The following SNTG1 variants were observed in gnomAD, a reference collection of about 807,000 sequenced individuals.
The protein encoded by SNTG1 is syntrophin gamma 1.
A neutral mutation model predicts 74.7 loss-of-function variants in SNTG1; 39 were observed. The ratio of observed to expected loss-of-function variants is 0.52; its 90% CI spans 0.40 to 0.68. The LOEUF (loss-of-function observed/expected upper bound fraction) is 0.68, where lower values mean the gene tolerates loss of function less well. Among genes scored for constraint, SNTG1 ranks in the 30% least tolerant of loss-of-function variants. The pLI is 0.00. For missense variants in SNTG1, 685 were observed against 609.5 expected (o/e 1.12, Z -1.30); for synonymous variants, 254 against 217.1 (o/e 1.17, Z -1.49).
At chr8:50,525,942 A>G (rs2094216234) in intron 9 of SNTG1, among the ~76,000 whole-genome samples, 1 of 151,940 alleles carries the variant, frequency 6.6e-6, no homozygotes, top group South Asian at 2.1e-4. Context: ...TGAAAAAATC[A>G]GCCATGTCTC....
At chr8:50,307,882 C>T (rs1220484807) in intron 2 of SNTG1, among the ~76,000 whole-genome samples, 1 of 152,078 alleles carries the variant, frequency 6.6e-6, no homozygotes, top group Non-Finnish European at 1.5e-5. Flanking sequence ...AGAGATCTTT[C>T]TGTTGCCCTG....
At chr8:50,111,490 A>T (rs1002232698) in intron 1 of SNTG1, among the ~76,000 whole-genome samples, 1 of 152,140 alleles carries the variant, frequency 6.6e-6, no homozygotes, top group East Asian at 1.9e-4. Flanking sequence ...TCACAGTGAG[A>T]AGGGAGGAAG....
chr8:50,047,311 C>T lies in SNTG1; in HGVS notation c.-102-125250C>T, dbSNP rs146542413. 2.2e-4 allele frequency among the ~76,000 whole-genome samples: 33 copies of T among 152,000 alleles called. No individual in the cohort carries two copies. The East Asian group carries it at 6.4e-3, about 30-fold the overall frequency. On this transcript the variant is annotated intron_variant, in intron 1 of 18. Coordinates refer to ENST00000642720, the MANE Select transcript of SNTG1 (RefSeq NM_018967.5). ...CCATGATGGTGCCACCATGCTCTAGCCTTGGTGACACAGAGATGCTGCCAA... is the reference window on the plus strand; with the variant it reads ...CCATGATGGTGCCACCATGCTCTAGTCTTGGTGACACAGAGATGCTGCCAA...
In SNTG1 at chr8:50,041,394, A is replaced by G. The variant is rs140466755; in HGVS notation, c.-103+129163A>G. 3.3e-5 allele frequency among the ~76,000 whole-genome samples: 5 copies of G among 152,316 alleles called. No homozygotes were observed. The East Asian group carries it at 9.7e-4, about 29-fold the overall frequency. ...AAAACATATTTAATAAATTAACTAA[A>G]ATAACACTAATAAAGACTCTAAACA... On this transcript the variant is annotated intron_variant, in intron 1 of 18. Transcript: ENST00000642720.
At chr8:50,511,577 T>A (rs1346785260) in intron 9 of SNTG1, among the ~76,000 whole-genome samples, 2 of 152,178 alleles carry the variant, frequency 1.3e-5, no homozygotes, top group African/African-American at 4.8e-5. Flanking sequence ...TCTAAGGACT[T>A]GCTTTATGAA....
intron 15 of SNTG1, among the ~76,000 whole-genome samples, chr8:50,693,524 C>T (rs1315497015): frequency 1.3e-5 from 2 of 152,084 alleles, no homozygotes; most frequent in Non-Finnish European, 2.9e-5. Context: ...TGCAATATAA[C>T]AATTATAGAG....
chr8:50,310,801 A>G (rs950255649), intron 2 of SNTG1, among the ~76,000 whole-genome samples: 5 of 152,356 alleles, frequency 3.3e-5, no homozygotes, highest in Admixed American at 2.6e-4. Flanking sequence ...TGGTTAAACA[A>G]TTAGTATTGT....
chr8:50,688,139 G>A (rs2095361028), intron 15 of SNTG1, among the ~76,000 whole-genome samples: 1 of 152,028 alleles, frequency 6.6e-6, no homozygotes. Flanking sequence ...TGAGTTCATT[G>A]AAGATTCTGT....
At chr8:50,183,117 T>C (rs1017233340) in intron 2 of SNTG1, among the ~76,000 whole-genome samples, 1 of 152,106 alleles carries the variant, frequency 6.6e-6, no homozygotes, top group African/African-American at 2.4e-5. Context: ...TCCACTCTCT[T>C]ATAAACCACT....
At chr8:50,339,225 G>C (rs180763068) in intron 2 of SNTG1, among the ~76,000 whole-genome samples, 1 of 152,114 alleles carries the variant, frequency 6.6e-6, no homozygotes, top group East Asian at 1.9e-4. Context: ...ATGTAAAGAA[G>C]GAATGAAACT....
chr8:50,449,868 C>A (rs1022086544), intron 6 of SNTG1, 143 bp downstream of exon 6: 1 of 658,768 alleles, frequency 1.5e-6, no homozygotes, highest in Middle Eastern at 2.6e-4. Flanking sequence ...GCTGAGTCTG[C>A]TTCCTGGGTC....
At chr8:50,495,651 T>C (rs551732441) in intron 8 of SNTG1, among the ~76,000 whole-genome samples, 1 of 152,264 alleles carries the variant, frequency 6.6e-6, no homozygotes, top group African/African-American at 2.4e-5. Flanking sequence ...CAGTAACAGC[T>C]CTTGTGAATA....
At chr8:50,520,582 G>C (rs910069347) in intron 9 of SNTG1, among the ~76,000 whole-genome samples, 1 of 151,976 alleles carries the variant, frequency 6.6e-6, no homozygotes, top group African/African-American at 2.4e-5. Flanking sequence ...ACAACAAAAA[G>C]CAAATAATCC....
At chr8:50,406,749 C>T (rs1423927555) in intron 4 of SNTG1, among the ~76,000 whole-genome samples, 4 of 152,042 alleles carry the variant, frequency 2.6e-5, no homozygotes, top group African/African-American at 4.8e-5. Context: ...ATGTTATCAT[C>T]GAAAGGTATT....
chr8:50,050,887 A>G (rs1586055975), intron 1 of SNTG1, among the ~76,000 whole-genome samples: 1 of 152,082 alleles, frequency 6.6e-6, no homozygotes, highest in South Asian at 2.1e-4. Context: ...AATTTTCCAT[A>G]TTAATAGAAA....
chr8:50,768,211 T>A (rs888635692), intron 18 of SNTG1, among the ~76,000 whole-genome samples: 1 of 152,124 alleles, frequency 6.6e-6, no homozygotes, highest in East Asian at 1.9e-4. Flanking sequence ...TTAGTGAAAT[T>A]CAAGTCAGAA....
At chr8:50,525,926 T>C (rs1039077901) in intron 9 of SNTG1, among the ~76,000 whole-genome samples, 1 of 152,146 alleles carries the variant, frequency 6.6e-6, no homozygotes, top group Non-Finnish European at 1.5e-5. Flanking sequence ...CTGGGATTTG[T>C]GAATTTGAAA....
intron 3 of SNTG1, 122 bp from the exon 4 acceptor site, chr8:50,402,088 G>C: frequency 1.1e-6 from 1 of 937,112 alleles, no homozygotes. Flanking sequence ...AGGCTCATCA[G>C]AGTGTGTTTT....
chr8:50,402,946 A>C (rs897949620), intron 4 of SNTG1, among the ~76,000 whole-genome samples: 1 of 152,206 alleles, frequency 6.6e-6, no homozygotes, highest in Non-Finnish European at 1.5e-5. Flanking sequence ...TACAGTGCAA[A>C]ACTGATTGCT....
Sources: allele counts gnomAD v4.1 joint callset (sites outside exome capture counted in the v4.1 genomes callset), GRCh38; gene constraint gnomAD v4.1.1; transcripts MANE v1.5; gene names NCBI Gene and HGNC (gene_info 2026-07-23, HGNC 2026-07-21).